Variants in WDR64 observed in about 807,000 individuals in gnomAD.
The protein encoded by WDR64 is WD repeat domain 64, also known as WD repeat-containing protein 64.
Under a neutral mutation model 139.3 loss-of-function variants are expected in WDR64, and 112 were observed. The ratio of observed to expected loss-of-function variants is 0.80; its 90% confidence interval spans 0.69 to 0.94. The LOEUF (loss-of-function observed/expected upper bound fraction) is 0.94, where lower values mean the gene tolerates loss of function less well. Ranked by LOEUF, WDR64 falls within the 40% of genes least tolerant of loss-of-function variation. The pLI is 0.00. For synonymous variants in WDR64, 444 were observed against 437.7 expected (o/e 1.01, Z -0.18); for missense variants, 1,206 against 1,293.1 (o/e 0.93, Z 1.03).
intron 8 of WDR64, among the ~76,000 whole-genome samples, chr1:241,710,648 G>A (rs1668123940): frequency 6.6e-6 from 1 of 152,162 alleles, no homozygotes; most frequent in Non-Finnish European, 1.5e-5. Flanking sequence ...TCTTTGGCCT[G>A]TGCAAAAGCT....
rs1216179411 is a variant in WDR64 at position 241,735,528 on chromosome 1, TCTCTC to T, written c.1195-2834_1195-2830del. ...ATTTAGTTCTCTGTCTCTCTCTCTC[TCTCTC>T]TTTTTTTTTTTTTTTTTTTGATACG... On this transcript the variant is annotated intron_variant, in intron 10 of 27. Coordinates refer to ENST00000437684, the MANE Select transcript of WDR64 (RefSeq NM_001367482.1). Among the ~76,000 whole-genome samples, 79 of 121,856 alleles carry T rather than the reference TCTCTC, an allele frequency of 6.5e-4. No homozygotes were observed. The East Asian group carries it at 0.017, about 26-fold the overall frequency. 79.9% of individuals were successfully genotyped at this position (121,856 alleles called of 152,430 possible). A position where few individuals can be genotyped will look rare whatever the true frequency, so the allele number is the denominator to read the frequency against.
At chr1:241,752,701 A>G (rs1670023802) in intron 14 of WDR64, among the ~76,000 whole-genome samples, 1 of 152,162 alleles carries the variant, frequency 6.6e-6, no homozygotes, top group Admixed American at 6.5e-5. Context: ...AAATGTAAAA[A>G]TTAGCCAGGC....
intron 15 of WDR64, among the ~76,000 whole-genome samples, chr1:241,761,039 C>T (rs1013693862): frequency 2.4e-4 from 37 of 152,028 alleles, no homozygotes; most frequent in African/African-American, 8.9e-4. Flanking sequence ...TATCAAACTC[C>T]CCTTCACAGA....
In WDR64 at chr1:241,683,641, A is replaced by C; in HGVS notation, c.779A>C (p.Lys260Thr). The C allele has an allele frequency of 6.4e-7, 1 of 1,551,610 alleles. No homozygotes were observed. Among genetic ancestry groups the C allele is most frequent in the Non-Finnish European group, 8.7e-7 (1 of 1,146,934 alleles). ...FTVNSDDFGIKQAKSKRKLQN... is the reference protein window; with the variant it reads ...FTVNSDDFGITQAKSKRKLQN... Reference sequence around the variant, plus strand: ...GTCAACAGTGATGACTTTGGAATAAAGCAGGCAAAATCCAAAAGAAAATTA... The same window carrying C: ...GTCAACAGTGATGACTTTGGAATAACGCAGGCAAAATCCAAAAGAAAATTA... The change falls in exon 7 of 28, where the codon AAG becomes ACG. Residue 260 changes from lysine to threonine, a missense_variant. Physicochemically the swap from Lys to Thr is moderately conservative, Grantham distance 78. Transcript: ENST00000437684.
intron 8 of WDR64, among the ~76,000 whole-genome samples, chr1:241,695,112 T>TCAAA (rs779796133): frequency 2.6e-5 from 4 of 151,920 alleles, no homozygotes; most frequent in African/African-American, 4.8e-5. Context: ...CCAAAAACAA[T>TCAAA]CAAACAAACA....
intron 13 of WDR64, among the ~76,000 whole-genome samples, chr1:241,746,942 TAG>T (rs899253858): frequency 3.3e-5 from 5 of 152,252 alleles, no homozygotes; most frequent in Admixed American, 3.3e-4. Context: ...GTATTTTTAG[TAG>T]AGACAGGGTT....
rs57327587 is a variant in WDR64, at chr1:241,802,234, T to TG, written c.*1020dup. ...GCAATTAAAGGGAATAAAATGCTAATGCATGCATTAACATAGACCAATCTC... is the reference window on the plus strand; with the variant it reads ...GCAATTAAAGGGAATAAAATGCTAATGGCATGCATTAACATAGACCAATCTC... On this transcript the variant is annotated 3_prime_UTR_variant, in exon 28 of 28. Transcript: ENST00000437684. 8.8e-6 allele frequency: 3 copies of TG among 342,542 alleles called. No homozygotes were observed. Among genetic ancestry groups the TG allele is most frequent in the Non-Finnish European group, 1.5e-5 (3 of 201,898 alleles). 21.2% of individuals were successfully genotyped at this position (342,542 alleles called of 1,614,324 possible).
At chr1:241,732,374 C>G (rs897172510) in intron 10 of WDR64, among the ~76,000 whole-genome samples, 10 of 152,172 alleles carry the variant, frequency 6.6e-5, no homozygotes, top group African/African-American at 2.2e-4. Context: ...TCAAGAACAA[C>G]AGGGCTTCTA....
At position 241,674,748 on chromosome 1, in the gene WDR64, G is replaced by A. The variant is rs1166412140; in HGVS notation, c.483+1G>A. On this transcript the variant is annotated splice_donor_variant, in intron 4 of 27. Coordinates refer to ENST00000437684, the MANE Select transcript of WDR64 (RefSeq NM_001367482.1). LOFTEE classifies it high-confidence loss of function. ...ATTAATAACAGTTTTTAATAACCAG[G>A]TAATTTCTTTTTCTTTTTTTAACTG... is the stretch of plus-strand genomic sequence containing the variant. The A allele has an allele frequency of 6.5e-7, 1 of 1,527,292 alleles. No individual in the cohort carries two copies. 94.6% of individuals were successfully genotyped at this position (1,527,292 alleles called of 1,614,324 possible).
intron 6 of WDR64, among the ~76,000 whole-genome samples, chr1:241,680,144 G>T (rs560199016): frequency 1.3e-5 from 2 of 152,140 alleles, no homozygotes; most frequent in South Asian, 4.1e-4. Flanking sequence ...TATATAATAT[G>T]ATGATACAGC....
intron 1 of WDR64, among the ~76,000 whole-genome samples, chr1:241,658,638 C>CAA (rs56278786): frequency 8.4e-5 from 7 of 83,748 alleles, no homozygotes; most frequent in South Asian, 7.2e-4. Flanking sequence ...GATCCTGTCT[C>CAA]AAAAAAAAAA....
intron 21 of WDR64, among the ~76,000 whole-genome samples, chr1:241,776,251 G>A (rs1450057267): frequency 6.6e-6 from 1 of 151,760 alleles, no homozygotes; most frequent in Non-Finnish European, 1.5e-5. Flanking sequence ...GCTAATTTTT[G>A]TATTTTTAGT....
At chr1:241,707,646 T>G (rs748938682) in intron 8 of WDR64, among the ~76,000 whole-genome samples, 2 of 152,148 alleles carry the variant, frequency 1.3e-5, no homozygotes, top group Non-Finnish European at 2.9e-5. Flanking sequence ...TTCATGTATG[T>G]CTACCCCAAC....
At position 241,757,349 on chromosome 1, in the gene WDR64, G is replaced by A. The variant is rs957957194; in HGVS notation, c.1837G>A (p.Asp613Asn). 3.1e-6 allele frequency: 5 copies of A among 1,614,044 alleles called. No individual in the cohort carries two copies. Among genetic ancestry groups the A allele is most frequent in the Non-Finnish European group, 4.2e-6 (5 of 1,179,964 alleles). Residue 613 changes from aspartate (D) to asparagine (N), a missense_variant, in exon 15 of 28, where the codon GAT becomes AAT. By Grantham distance (23) the Asp-to-Asn change is conservative. Transcript: ENST00000437684. The part of the protein sequence containing the change: ...ELPDVVPFLQ[D>N]GKHAVHLRMS... ...GCCTGATGTTGTGCCTTTCCTACAA[G>A]ATGGGAAACATGCTGTGCATCTGAG...
At chr1:241,700,632 G>T (rs1217277777) in intron 8 of WDR64, among the ~76,000 whole-genome samples, 2 of 152,182 alleles carry the variant, frequency 1.3e-5, no homozygotes, top group Non-Finnish European at 2.9e-5. Context: ...GGGAGCAAAA[G>T]AATTCTAATG....
intron 4 of WDR64, among the ~76,000 whole-genome samples, chr1:241,675,898 T>G (rs975550411): frequency 6.6e-6 from 1 of 152,208 alleles, no homozygotes. Flanking sequence ...ACTTTCACTT[T>G]AATGGAATAT....
intron 1 of WDR64, among the ~76,000 whole-genome samples, chr1:241,655,661 T>C (rs1665561224): frequency 6.6e-6 from 1 of 151,798 alleles, no homozygotes; most frequent in South Asian, 2.1e-4. Context: ...TGACTCTGAT[T>C]TTGCGCATGT....
chr1:241,680,785 G>GCCGACTCAGCTGGGCTCT (rs1553364185), intron 6 of WDR64, among the ~76,000 whole-genome samples: 7 of 151,554 alleles, frequency 4.6e-5, no homozygotes, highest in Admixed American at 2.6e-4. Flanking sequence ...CTTCGGGTCT[G>GCCGACTCAGCTGGGCTCT]CAGTAGCTTC....
At chr1:241,749,004 T>A (rs2148260709) in intron 13 of WDR64, among the ~76,000 whole-genome samples, 1 of 152,150 alleles carries the variant, frequency 6.6e-6, no homozygotes, top group Non-Finnish European at 1.5e-5. Context: ...CTCGACACTT[T>A]TCTTTCACTT....
Sources: allele counts gnomAD v4.1 joint callset (sites outside exome capture counted in the v4.1 genomes callset), GRCh38; gene constraint gnomAD v4.1.1; transcripts MANE v1.5; gene names NCBI Gene and HGNC (gene_info 2026-07-23, HGNC 2026-07-21).